Variants in PDE6A observed in about 807,000 individuals in gnomAD.
PDE6A encodes phosphodiesterase 6A, also known as rod cGMP-specific 3',5'-cyclic phosphodiesterase subunit alpha.
A neutral mutation model predicts 106.3 loss-of-function variants in PDE6A; 84 were observed. That is an observed-to-expected ratio of 0.79 (90% CI 0.66 to 0.95). The LOEUF (loss-of-function observed/expected upper bound fraction) is 0.95, where lower values mean the gene tolerates loss of function less well. Among genes scored for constraint, PDE6A ranks in the 40% least tolerant of loss-of-function variants. The pLI is 0.00. For synonymous variants in PDE6A, 394 were observed against 386.6 expected, an observed-to-expected ratio of 1.02 and a Z score of -0.23; for missense variants, 1,052 against 1,084.9, an observed-to-expected ratio of 0.97 and a Z score of 0.43.
intron 19 of PDE6A, 128 bp downstream of exon 19, chr5:149,867,597 A>T: frequency 1.2e-6 from 1 of 834,594 alleles, no homozygotes; most frequent in Non-Finnish European, 2.0e-6. Flanking sequence ...ACATTTTTAG[A>T]ACCACTGCAT....
rs759224987 is a variant in PDE6A, at chr5:149,863,094, G to A, written c.2506+25C>T. ...GTGCTCAGGGAGTGGGGTGGTGGGA[G>A]TCCCTGCTTCCCCCTTCCACAAACC... On this transcript the variant is annotated intron_variant, in intron 21 of 21. Transcript: ENST00000255266. The surrounding 1 kb of genome is among the most constrained non-coding windows in gnomAD (Gnocchi z 4.7). 2.5e-6 allele frequency: 4 copies of A among 1,613,886 alleles called. No individual in the cohort carries two copies. In the Admixed American group the frequency reaches 6.7e-5, roughly 27 times the overall value.
At chr5:149,898,242 A>G in intron 10 of PDE6A, 121 bp downstream of exon 10, 1 of 823,448 alleles carries the variant, frequency 1.2e-6, no homozygotes, top group Non-Finnish European at 2.1e-6. Context: ...AAGGAACACA[A>G]CAGTGCACAA....
intron 4 of PDE6A, among the ~76,000 whole-genome samples, chr5:149,930,118 T>C (rs1753988217): frequency 1.3e-5 from 2 of 152,206 alleles, no homozygotes; most frequent in African/African-American, 2.4e-5. Flanking sequence ...CATGGAAAGA[T>C]GTTTGTAAAA....
chr5:149,922,645 G>A (rs923280218), intron 4 of PDE6A, among the ~76,000 whole-genome samples: 5 of 152,126 alleles, frequency 3.3e-5, no homozygotes, highest in Non-Finnish European at 5.9e-5. Flanking sequence ...TTTTCTCTGA[G>A]TGATTGGAAT....
At chr5:149,886,429 G>T in intron 13 of PDE6A, 55 bp from the exon 14 acceptor site, 2 of 1,352,240 alleles carry the variant, frequency 1.5e-6, no homozygotes, top group Non-Finnish European at 2.1e-6. Flanking sequence ...CTGGAAGCAG[G>T]GCTGAAAAGG....
At chr5:149,931,873 AGAGTTTCTGGAAG>A in intron 3 of PDE6A, 1 of 618,016 alleles carries the variant, frequency 1.6e-6, no homozygotes, top group Non-Finnish European at 2.8e-6. Flanking sequence ...TGTTACCTCC[AGAGTTTCTGGAAG>A]AAATATATTT....
At chr5:149,915,032 CTTTTTTTTTTTTTT>C (rs60750624) in intron 5 of PDE6A, 25 bp from the exon 6 acceptor site, 22 of 797,364 alleles carry the variant, frequency 2.8e-5, no homozygotes, top group Non-Finnish European at 3.6e-5. Context: ...AAAAATTATA[CTTTTTTTTTTTTTT>C]TTTTTTTTGA....
chr5:149,924,977 G>A (rs1174444605), intron 4 of PDE6A, among the ~76,000 whole-genome samples: 1 of 152,156 alleles, frequency 6.6e-6, no homozygotes, highest in East Asian at 1.9e-4. Context: ...AAGTAAAAGT[G>A]AACCAGAAGC....
intron 3 of PDE6A, 68 bp from the exon 4 acceptor site, chr5:149,931,236 T>C (rs529770130): frequency 4.9e-6 from 7 of 1,442,332 alleles, no homozygotes; most frequent in East Asian, 2.3e-5. Context: ...AGCTGGAGAA[T>C]AACAACAATT....
At chr5:149,907,221 C>T (rs1753225706) in intron 7 of PDE6A, 91 bp downstream of exon 7, 1 of 1,004,188 alleles carries the variant, frequency 1.0e-6, no homozygotes, top group Non-Finnish European at 1.6e-6. Context: ...CACTTGCCAT[C>T]ATCTTTTCCA....
At chr5:149,929,120 A>G (rs1195340037) in intron 4 of PDE6A, among the ~76,000 whole-genome samples, 1 of 152,230 alleles carries the variant, frequency 6.6e-6, no homozygotes, top group Non-Finnish European at 1.5e-5. Flanking sequence ...TTCTAGGTAA[A>G]TACCTAACAG....
intron 8 of PDE6A, among the ~76,000 whole-genome samples, chr5:149,901,482 C>T (rs1009119456): frequency 7.9e-5 from 12 of 152,086 alleles, no homozygotes; most frequent in African/African-American, 2.7e-4. Context: ...GAGCCGAGAT[C>T]GTGCCACTGT....
intron 1 of PDE6A, chr5:149,940,103 T>A (rs1754288714): frequency 6.6e-6 from 1 of 152,054 alleles, no homozygotes; most frequent in Non-Finnish European, 1.5e-5. Context: ...GATCAATTAG[T>A]TATAAACACC....
intron 16 of PDE6A, among the ~76,000 whole-genome samples, chr5:149,883,752 C>T (rs1003783843): frequency 9.2e-5 from 14 of 152,234 alleles, no homozygotes; most frequent in Admixed American, 2.0e-4. Context: ...TGTCCTGAAT[C>T]TCAGTGTTCC....
intron 4 of PDE6A, among the ~76,000 whole-genome samples, chr5:149,924,703 A>G (rs1753824290): frequency 2.0e-5 from 3 of 152,200 alleles, no homozygotes. Flanking sequence ...GTTTATGTGA[A>G]GGACTTATAT....
chr5:149,936,254 A>G (rs1246190972), intron 1 of PDE6A, among the ~76,000 whole-genome samples: 1 of 151,992 alleles, frequency 6.6e-6, no homozygotes, highest in African/African-American at 2.4e-5. Flanking sequence ...TTGGAATGGG[A>G]TTAAATAAAT....
intron 1 of PDE6A, among the ~76,000 whole-genome samples, chr5:149,937,859 T>A (rs2113665577): frequency 6.6e-6 from 1 of 152,338 alleles, no homozygotes; most frequent in East Asian, 1.9e-4. Flanking sequence ...AACTCTCACA[T>A]CAGCCCTGCC....
chr5:149,874,863 G>A (rs904664924), intron 17 of PDE6A, among the ~76,000 whole-genome samples: 47 of 152,220 alleles, frequency 3.1e-4, no homozygotes, highest in Middle Eastern at 3.4e-3. Flanking sequence ...AGGAAGCACC[G>A]AACACCACTA....
At chr5:149,861,562 A>G (rs1289699939) in intron 21 of PDE6A, among the ~76,000 whole-genome samples, 2 of 152,300 alleles carry the variant, frequency 1.3e-5, no homozygotes, top group Non-Finnish European at 2.9e-5. Flanking sequence ...AGGTGGGAGG[A>G]TCGCTTGAGG....
Sources: gnomAD v4.1 joint callset for allele counts (sites outside exome capture counted in the v4.1 genomes callset) on GRCh38, gnomAD v4.1.1 for gene constraint, Gnocchi (gnomAD v3.1) non-coding constraint, MANE v1.5 for transcripts, NCBI Gene and HGNC (gene_info 2026-07-23, HGNC 2026-07-21) for gene names.